Variants in AGBL1 observed in about 807,000 individuals in gnomAD.
AGBL1 encodes the protein cytosolic carboxypeptidase 4.
Under a neutral mutation model 118.9 loss-of-function variants are expected in AGBL1, and 130 were observed. That is an observed-to-expected ratio of 1.09 (90% confidence interval 0.95 to 1.26). AGBL1 has a LOEUF of 1.26. AGBL1 is among the 50% of genes most tolerant of loss of function. The pLI, the probability that AGBL1 is intolerant of heterozygous loss-of-function variation, is 0.00. For missense variants in AGBL1, 1,584 were observed against 1,298.1 expected (o/e 1.22, Z -3.38); for synonymous variants, 555 against 478.9 (o/e 1.16, Z -2.08).
chr15:86,895,610 C>CTT (rs1156602653), intron 22 of AGBL1, among the ~76,000 whole-genome samples: 1 of 151,638 alleles, frequency 6.6e-6, no homozygotes, highest in Non-Finnish European at 1.5e-5. Flanking sequence ...TAATTAATTT[C>CTT]TTTTTTCTGC....
chr15:86,514,432 A>T (rs1265382940), intron 18 of AGBL1, among the ~76,000 whole-genome samples: 1 of 152,090 alleles, frequency 6.6e-6, no homozygotes, highest in Non-Finnish European at 1.5e-5. Context: ...TAGCTTTACC[A>T]TTTATAGCCA....
chr15:86,671,252 C>T (rs1205782019), intron 21 of AGBL1, among the ~76,000 whole-genome samples: 2 of 152,074 alleles, frequency 1.3e-5, no homozygotes, highest in Non-Finnish European at 2.9e-5. Context: ...ATAGCAACCA[C>T]CTTGCAATCA....
chr15:86,692,432 G>A (rs1432914708), intron 22 of AGBL1, among the ~76,000 whole-genome samples: 1 of 152,012 alleles, frequency 6.6e-6, no homozygotes, highest in Non-Finnish European at 1.5e-5. Flanking sequence ...AACTGGCGAA[G>A]AATTGCCCTC....
At chr15:86,457,130 A>T (rs1318549581) in intron 18 of AGBL1, among the ~76,000 whole-genome samples, 3 of 151,618 alleles carry the variant, frequency 2.0e-5, no homozygotes, top group African/African-American at 7.3e-5. Flanking sequence ...CGCATTCTTA[A>T]AAAAAAGCTG....
chr15:86,756,943 CTTT>C (rs11383287), intron 22 of AGBL1, among the ~76,000 whole-genome samples: 1 of 142,850 alleles, frequency 7.0e-6, no homozygotes, highest in South Asian at 2.2e-4. Flanking sequence ...ATAAACATGT[CTTT>C]TTTTTTTTTT....
At chr15:86,265,903 T>G (rs537682564) in intron 11 of AGBL1, among the ~76,000 whole-genome samples, 1 of 152,322 alleles carries the variant, frequency 6.6e-6, no homozygotes, top group South Asian at 2.1e-4. Context: ...AAGATTGACC[T>G]TAGCCTACCG....
At chr15:86,820,043 A>G (rs1444726533) in intron 22 of AGBL1, among the ~76,000 whole-genome samples, 1 of 152,228 alleles carries the variant, frequency 6.6e-6, no homozygotes, top group Admixed American at 6.5e-5. Context: ...CAATGGGGAA[A>G]GGATTCCTTA....
At chr15:86,674,083 A>G (rs2085793293) in intron 21 of AGBL1, among the ~76,000 whole-genome samples, 190 bp from the exon 22 acceptor site, 2 of 152,142 alleles carry the variant, frequency 1.3e-5, no homozygotes, top group Non-Finnish European at 2.9e-5. Context: ...GGATGTCGAC[A>G]TCACACAGAC....
intron 15 of AGBL1, 150 bp from the exon 16 acceptor site, chr15:86,279,489 A>G: frequency 1.3e-6 from 1 of 745,304 alleles, no homozygotes. Context: ...CCCTTTTCTC[A>G]GTTTCACCCA....
At chr15:86,771,989 G>A (rs1223862112) in intron 22 of AGBL1, among the ~76,000 whole-genome samples, 1 of 151,910 alleles carries the variant, frequency 6.6e-6, no homozygotes, top group Non-Finnish European at 1.5e-5. Flanking sequence ...GGCCTGAGAG[G>A]GGCAGAATGT....
chr15:86,316,398 A>G (rs1410745874), intron 17 of AGBL1, among the ~76,000 whole-genome samples: 2 of 152,144 alleles, frequency 1.3e-5, no homozygotes, highest in Non-Finnish European at 2.9e-5. Context: ...ACACCCACTC[A>G]TGCCGTGGGT....
At chr15:86,292,210 T>A (rs1224231873) in intron 16 of AGBL1, among the ~76,000 whole-genome samples, 1 of 151,982 alleles carries the variant, frequency 6.6e-6, no homozygotes, top group Non-Finnish European at 1.5e-5. Context: ...GGGTGCGGGG[T>A]AATCACAAGA....
intron 21 of AGBL1, among the ~76,000 whole-genome samples, chr15:86,650,992 T>C (rs1421336368): frequency 3.9e-5 from 6 of 152,216 alleles, no homozygotes; most frequent in Non-Finnish European, 7.3e-5. Context: ...TTGGTTCAAA[T>C]CCTCAAATTG....
At chr15:86,181,338 G>A (rs908634715) in intron 5 of AGBL1, among the ~76,000 whole-genome samples, 2 of 152,050 alleles carry the variant, frequency 1.3e-5, no homozygotes, top group East Asian at 3.9e-4. Flanking sequence ...ACAATACAAA[G>A]AGAAAATTAT....
At chr15:86,217,327 C>A (rs182576720) in intron 5 of AGBL1, among the ~76,000 whole-genome samples, 1 of 152,100 alleles carries the variant, frequency 6.6e-6, no homozygotes, top group Admixed American at 6.5e-5. Context: ...GCTCTTAGAC[C>A]AGTGCCTAGC....
At chr15:86,432,945 G>A (rs1347866149) in intron 18 of AGBL1, among the ~76,000 whole-genome samples, 2 of 152,222 alleles carry the variant, frequency 1.3e-5, no homozygotes, top group Admixed American at 6.5e-5. Flanking sequence ...TTCTGGCAGG[G>A]CCTGGCTGCA....
intron 24 of AGBL1, among the ~76,000 whole-genome samples, chr15:87,008,941 C>T (rs970861198): frequency 2.0e-5 from 3 of 152,140 alleles, no homozygotes; most frequent in African/African-American, 7.2e-5. Context: ...TAAAAGCATT[C>T]AGTTTTAAAA....
At chr15:86,591,934 C>T (rs1003723279) in intron 21 of AGBL1, among the ~76,000 whole-genome samples, 26 of 152,270 alleles carry the variant, frequency 1.7e-4, no homozygotes, top group African/African-American at 6.3e-4. Flanking sequence ...AATTAACATA[C>T]AAAACATCAC....
intron 23 of AGBL1, among the ~76,000 whole-genome samples, chr15:86,965,223 G>T (rs956294698): frequency 6.6e-6 from 1 of 152,040 alleles, no homozygotes; most frequent in Admixed American, 6.6e-5. Flanking sequence ...TTCCACAATG[G>T]TTGAACTAGT....
Sources: gnomAD v4.1 joint callset for allele counts (sites outside exome capture counted in the v4.1 genomes callset) on GRCh38, gnomAD v4.1.1 for gene constraint, MANE v1.5 for transcripts, NCBI Gene and HGNC (gene_info 2026-07-23, HGNC 2026-07-21) for gene names.